The following MDGA2 variants were observed in gnomAD, a reference collection of about 807,000 sequenced individuals.
The protein encoded by MDGA2 is MAM domain-containing glycosylphosphatidylinositol anchor protein 2.
In MDGA2, 40 loss-of-function variants were observed where a neutral mutation model predicts 117.8. That is an observed-to-expected ratio of 0.34 (90% CI 0.26 to 0.44). The LOEUF is 0.44. Ranked by LOEUF, MDGA2 falls within the 20% of genes least tolerant of loss-of-function variation. The probability of loss-of-function intolerance (pLI) is 1.00; values close to 1 mark genes in which losing one functional copy is unlikely to be tolerated. For missense variants in MDGA2, 1,123 were observed against 1,250.6 expected (o/e 0.90, Z 1.54); for synonymous variants, 452 against 439.0 (o/e 1.03, Z -0.37).
intron 3 of MDGA2, among the ~76,000 whole-genome samples, chr14:47,178,045 C>T (rs909223509): frequency 1.3e-5 from 2 of 151,680 alleles, no homozygotes; most frequent in African/African-American, 4.8e-5. Context: ...GGAGTGCATC[C>T]CAGGGATATA....
chr14:47,626,808 G>C (rs1897152910), intron 1 of MDGA2, among the ~76,000 whole-genome samples: 1 of 152,236 alleles, frequency 6.6e-6, no homozygotes, highest in Non-Finnish European at 1.5e-5. Flanking sequence ...CCCTCTGTGG[G>C]CTCCTGCGCC....
At chr14:46,976,628 C>T (rs371705411) in intron 8 of MDGA2, among the ~76,000 whole-genome samples, 1 of 151,806 alleles carries the variant, frequency 6.6e-6, no homozygotes. Context: ...GCTATCATAT[C>T]CGTTATTGGT....
intron 10 of MDGA2, among the ~76,000 whole-genome samples, chr14:46,912,986 GGTTTCTCTAC>G (rs1883763180): frequency 6.6e-6 from 1 of 151,950 alleles, no homozygotes; most frequent in South Asian, 2.1e-4. Context: ...TTTACAAAAT[GGTTTCTCTAC>G]ATTTCTCTGA....
At chr14:47,026,637 C>T (rs1888483119) in intron 8 of MDGA2, among the ~76,000 whole-genome samples, 1 of 151,810 alleles carries the variant, frequency 6.6e-6, no homozygotes, top group Non-Finnish European at 1.5e-5. Context: ...GGGAGATGAT[C>T]ATAGTATGTG....
chr14:47,240,280 C>G (rs545238079), intron 2 of MDGA2, among the ~76,000 whole-genome samples: 1 of 151,714 alleles, frequency 6.6e-6, no homozygotes, highest in South Asian at 2.1e-4. Flanking sequence ...TCCTGACCTC[C>G]TGATCCACCC....
chr14:47,641,596 C>G (rs879666301), intron 1 of MDGA2, among the ~76,000 whole-genome samples: 1 of 151,954 alleles, frequency 6.6e-6, no homozygotes, highest in Non-Finnish European at 1.5e-5. Context: ...AAAGTCCAGA[C>G]GAGAGCCAAT....
intron 2 of MDGA2, among the ~76,000 whole-genome samples, chr14:47,281,187 T>C (rs1034444859): frequency 6.7e-6 from 1 of 150,108 alleles, no homozygotes; most frequent in Non-Finnish European, 1.5e-5. Context: ...TCAAAATATC[T>C]TTTTAAGTAT....
intron 9 of MDGA2, among the ~76,000 whole-genome samples, chr14:46,931,154 A>G (rs1884556655): frequency 6.8e-6 from 1 of 147,340 alleles, no homozygotes; most frequent in South Asian, 2.2e-4. Context: ...GGAGGTGGTT[A>G]CAGTGAGCCA....
chr14:47,441,880 T>G (rs969211528), intron 1 of MDGA2, among the ~76,000 whole-genome samples: 1 of 152,158 alleles, frequency 6.6e-6, no homozygotes, highest in Admixed American at 6.5e-5. Flanking sequence ...CCACAATGTA[T>G]CTTGGGATAG....
intron 9 of MDGA2, among the ~76,000 whole-genome samples, chr14:46,956,020 T>A (rs923824344): frequency 2.0e-5 from 3 of 152,090 alleles, no homozygotes; most frequent in Non-Finnish European, 4.4e-5. Context: ...TGTTTCAAAG[T>A]TTCATCCAGA....
chr14:47,540,869 T>C (rs1429070792), intron 1 of MDGA2, among the ~76,000 whole-genome samples: 1 of 152,072 alleles, frequency 6.6e-6, no homozygotes, highest in Admixed American at 6.6e-5. Context: ...CCAACCACAC[T>C]ATATATTTTA....
intron 1 of MDGA2, among the ~76,000 whole-genome samples, chr14:47,395,344 A>G (rs1891984996): frequency 6.6e-6 from 1 of 152,132 alleles, no homozygotes; most frequent in Non-Finnish European, 1.5e-5. Context: ...CATATCCCAG[A>G]GTGTTGATGT....
chr14:47,157,962 G>A (rs1007825798), intron 3 of MDGA2, among the ~76,000 whole-genome samples: 2 of 150,482 alleles, frequency 1.3e-5, no homozygotes, highest in Non-Finnish European at 3.0e-5. Context: ...TATTGTCTTG[G>A]GTATTTCTTC....
intron 5 of MDGA2, among the ~76,000 whole-genome samples, chr14:47,111,079 AG>A (rs1298252697): frequency 5.3e-5 from 8 of 152,212 alleles, no homozygotes; most frequent in Non-Finnish European, 1.0e-4. Flanking sequence ...AGACAATTAT[AG>A]CCCTTAAAAT....
intron 1 of MDGA2, among the ~76,000 whole-genome samples, chr14:47,654,106 GA>G (rs1457766968): frequency 6.6e-6 from 1 of 152,070 alleles, no homozygotes; most frequent in Non-Finnish European, 1.5e-5. Context: ...TAAATAAAAA[GA>G]AATTCACCTC....
intron 3 of MDGA2, 65 bp downstream of exon 3, chr14:47,217,956 T>C: frequency 1.5e-6 from 2 of 1,310,412 alleles, no homozygotes; most frequent in Non-Finnish European, 2.0e-6. Flanking sequence ...CAGAAAACCA[T>C]AGACTTGTAA....
At chr14:47,588,768 G>C (rs1453448656) in intron 1 of MDGA2, among the ~76,000 whole-genome samples, 2 of 151,798 alleles carry the variant, frequency 1.3e-5, no homozygotes, top group African/African-American at 4.8e-5. Context: ...GGTTTCTATT[G>C]TTGCTGTAAT....
rs1286303405 is a variant in MDGA2 at position 47,013,792 on chromosome 14, A to ATATATC, written c.1819+21218_1819+21219insGATATA. Among the ~76,000 whole-genome samples, 16 of 134,054 alleles carry ATATATC rather than the reference A, an allele frequency of 1.2e-4. 1 individual carries two copies. Among genetic ancestry groups the ATATATC allele is most frequent in the African/African-American group, 1.9e-4 (7 of 37,786 alleles). 87.9% of individuals were successfully genotyped at this position (134,054 alleles called of 152,430 possible). A position where few individuals can be genotyped will look rare whatever the true frequency, so the allele number is the denominator to read the frequency against. ...TCCTTGTATATATATATATATATAT[A>ATATATC]TCTCCTTTTTTTTTTTGACAGAGTG... On this transcript the variant is annotated intron_variant, in intron 8 of 16. Transcript: ENST00000399232.
chr14:47,064,649 T>G (rs973310651), intron 6 of MDGA2, among the ~76,000 whole-genome samples: 1 of 152,062 alleles, frequency 6.6e-6, no homozygotes, highest in Non-Finnish European at 1.5e-5. Context: ...GTGCATCATT[T>G]ATGAAAATAG....
Sources: allele counts gnomAD v4.1 joint callset (sites outside exome capture counted in the v4.1 genomes callset), GRCh38; gene constraint gnomAD v4.1.1; transcripts MANE v1.5; gene names NCBI Gene and HGNC (gene_info 2026-07-23, HGNC 2026-07-21).